TRNT1: variants seen among roughly 807,000 people sequenced by gnomAD.
TRNT1 encodes the protein tRNA nucleotidyl transferase 1.
In TRNT1, 44 loss-of-function variants were observed where a neutral mutation model predicts 45.6. The observed-to-expected ratio is 0.97, with a 90% CI of 0.76 to 1.24. The LOEUF (loss-of-function observed/expected upper bound fraction) is 1.24. TRNT1 is among the 50% of genes most tolerant of loss of function. The pLI, the probability that TRNT1 is intolerant of heterozygous loss-of-function variation, is 0.00. For synonymous variants in TRNT1, 201 were observed against 171.4 expected, an observed-to-expected ratio of 1.17 and a Z score of -1.35; for missense variants, 633 against 504.4, an observed-to-expected ratio of 1.25 and a Z score of -2.44.
intron 1 of TRNT1, among the ~76,000 whole-genome samples, chr3:3,128,319 G>C (rs1482789919): frequency 6.6e-6 from 1 of 152,112 alleles, no homozygotes; most frequent in South Asian, 2.1e-4. Flanking sequence ...CTTTGTGGCC[G>C]GGCTCAGTGG....
chr3:3,141,251 C>T (rs1486053609), intron 4 of TRNT1, among the ~76,000 whole-genome samples: 1 of 152,192 alleles, frequency 6.6e-6, no homozygotes, highest in Non-Finnish European at 1.5e-5. Flanking sequence ...CACACTCAGT[C>T]AGTGCTAACT....
chr3:3,136,469 G>C (rs2126015866), intron 2 of TRNT1, among the ~76,000 whole-genome samples: 1 of 152,238 alleles, frequency 6.6e-6, no homozygotes, highest in East Asian at 1.9e-4. Context: ...ACCATTTCTT[G>C]AAGATTTTTA....
intron 2 of TRNT1, chr3:3,136,658 CTT>C (rs56033417): frequency 0.035 from 13,227 of 373,962 alleles, 1 homozygote; most frequent in Middle Eastern, 0.056. Context: ...CTTTTTTTTT[CTT>C]TTTTTTTTTT....
rs1424955123 is a variant in TRNT1 at position 3,130,196 on chromosome 3, A to C, written c.148+1008A>C. On this transcript the variant is annotated intron_variant, in intron 2 of 7. Transcript: ENST00000251607. ...TATGTAGAAATATGACCTATACAGC[A>C]CTGGCTATCTATTAGATTCACCTGG... 8 of 519,676 alleles carry C rather than the reference A, an allele frequency of 1.5e-5. No homozygotes were observed. The East Asian group carries it at 2.7e-4, about 18-fold the overall frequency. The allele number at this position is 519,676 out of a possible 1,614,324, so 32.2% of individuals were successfully genotyped here.
intron 2 of TRNT1, among the ~76,000 whole-genome samples, chr3:3,133,765 A>G (rs1705158642): frequency 6.6e-6 from 1 of 152,012 alleles, no homozygotes; most frequent in African/African-American, 2.4e-5. Context: ...GGGACAACTG[A>G]TCACTCTCTT....
chr3:3,136,218 G>T (rs1435646564), intron 2 of TRNT1, among the ~76,000 whole-genome samples: 1 of 152,138 alleles, frequency 6.6e-6, no homozygotes, highest in African/African-American at 2.4e-5. Flanking sequence ...GGGCTTGTCT[G>T]ATATTGATGT....
intron 6 of TRNT1, among the ~76,000 whole-genome samples, 183 bp from the exon 7 acceptor site, chr3:3,147,267 G>GT (rs1385786299): frequency 6.6e-6 from 1 of 152,158 alleles, no homozygotes; most frequent in Non-Finnish European, 1.5e-5. Context: ...GGTTTTGAAG[G>GT]TGACAGGGGA....
At chr3:3,130,289 T>C (rs563001227) in intron 2 of TRNT1, 100 of 254,384 alleles carry the variant, frequency 3.9e-4, no homozygotes, top group African/African-American at 2.1e-3. Flanking sequence ...CTGGGTGGGA[T>C]GACCATCTAT....
intron 2 of TRNT1, among the ~76,000 whole-genome samples, chr3:3,133,569 T>C (rs4263273): frequency 6.7e-6 from 1 of 148,306 alleles, no homozygotes; most frequent in Non-Finnish European, 1.5e-5. Context: ...AAAAAAAAAA[T>C]GAGAGACTAT....
chr3:3,149,456 C>CTAGTAAACGGTA (rs1483383615), downstream of TRNT1: 1 of 144,480 alleles, frequency 6.9e-6, no homozygotes, highest in Admixed American at 7.2e-5. Context: ...ATTTTATTTG[C>CTAGTAAACGGTA]TAGTAAACGG....
chr3:3,129,837 T>C (rs922483716), intron 2 of TRNT1: 12 of 1,546,048 alleles, frequency 7.8e-6, no homozygotes, highest in Non-Finnish European at 1.0e-5. Flanking sequence ...CTGTAACTAC[T>C]AACTAGAGAG....
At position 3,146,557 on chromosome 3, in the gene TRNT1, C is replaced by T. The variant is rs1575064652; in HGVS notation, c.736C>T (p.Leu246Phe). ...GATTTGGGTGGAACTGAAAAAAATT[C>T]TTGTTGGTAACCATGTAAATCATTT... ...ERIWVELKKILVGNHVNHLIH... is the reference protein window; with the variant it reads ...ERIWVELKKIFVGNHVNHLIH... Residue 246 changes from leucine (L) to phenylalanine (F), a missense_variant, in exon 6 of 8, where the codon CTT (leucine) becomes TTT (phenylalanine). By Grantham distance (22) the Leu-to-Phe change is conservative. Transcript: ENST00000251607. 2 of 1,613,916 alleles carry T rather than the reference C, an allele frequency of 1.2e-6. No homozygotes were observed. The highest frequency in any genetic ancestry group is 1.7e-5 in the Admixed American group (1 of 59,990).
At chr3:3,152,298 C>T (rs567638073), downstream of TRNT1, among the ~76,000 whole-genome samples, 11 of 151,790 alleles carry the variant, frequency 7.2e-5, 1 homozygote, top group South Asian at 2.3e-3. Context: ...GAGTACAGAC[C>T]CCTGCCCCCA....
chr3:3,151,314 T>G (rs1225025915), downstream of TRNT1, among the ~76,000 whole-genome samples: 2 of 152,208 alleles, frequency 1.3e-5, no homozygotes, highest in African/African-American at 2.4e-5. Flanking sequence ...AGAATTTCTT[T>G]ATAGAAATTG....
intron 7 of TRNT1, 55 bp from the exon 8 acceptor site, chr3:3,147,851 T>TGTAA (rs777313846): frequency 2.4e-5 from 38 of 1,561,432 alleles, no homozygotes; most frequent in African/African-American, 5.5e-5. Context: ...AGGATAAGAT[T>TGTAA]GTAAGTGTAT....
At chr3:3,151,046 C>A, downstream of TRNT1, 1 of 1,613,654 alleles carries the variant, frequency 6.2e-7, no homozygotes, top group South Asian at 1.1e-5. Context: ...CCAGGCATAC[C>A]TAAGAAATTA....
chr3:3,149,369 T>TATCA (rs532483022), downstream of TRNT1: 60 of 152,288 alleles, frequency 3.9e-4, no homozygotes, highest in African/African-American at 1.4e-3. Flanking sequence ...CAGATTTAGC[T>TATCA]ATCAGGTCTG....
At position 3,129,333 on chromosome 3, in the gene TRNT1, T is replaced by G; in HGVS notation, c.148+145T>G. On this transcript the variant is annotated intron_variant, in intron 2 of 7. Coordinates refer to ENST00000251607, the MANE Select transcript of TRNT1 (RefSeq NM_182916.3). ...AACGTAAGTAGAGGGTCTCTTTGTG[T>G]TGCCCAGGCTGGTCTCAAAACTCCT... The G allele has an allele frequency of 6.4e-6, 5 of 782,868 alleles. No homozygotes were observed. The South Asian group carries it at 7.5e-5, about 12-fold the overall frequency. The allele number at this position is 782,868 out of a possible 1,614,324, so 48.5% of individuals were successfully genotyped here. A position where few individuals can be genotyped will look rare whatever the true frequency, so the allele number is the denominator to read the frequency against.
At chr3:3,149,788 C>T (rs1261764898), downstream of TRNT1, 1 of 152,146 alleles carries the variant, frequency 6.6e-6, no homozygotes, top group Non-Finnish European at 1.5e-5. Flanking sequence ...ACCTTCAAGG[C>T]ATGTATTTTG....
Sources: allele counts gnomAD v4.1 joint callset (sites outside exome capture counted in the v4.1 genomes callset), GRCh38; gene constraint gnomAD v4.1.1; transcripts MANE v1.5; gene names NCBI Gene and HGNC (gene_info 2026-07-23, HGNC 2026-07-21).